The following PTGER4 variants were observed in gnomAD, a reference collection of about 807,000 sequenced individuals.
PTGER4 encodes the protein prostaglandin E receptor 4.
PTGER4 carries 11 observed loss-of-function variants against 33.2 expected under a neutral mutation model. The observed-to-expected ratio is 0.33, with a 90% confidence interval of 0.21 to 0.55. The LOEUF (loss-of-function observed/expected upper bound fraction) is 0.55, where lower values mean the gene tolerates loss of function less well. Among genes scored for constraint, PTGER4 ranks in the 20% least tolerant of loss-of-function variants. The probability of loss-of-function intolerance (pLI) is 0.92; values close to 1 mark genes in which losing one functional copy is unlikely to be tolerated. For synonymous variants in PTGER4, 275 were observed against 281.5 expected (o/e 0.98, Z 0.23); for missense variants, 481 against 650.2 (o/e 0.74, Z 2.83).
In PTGER4 at chr5:40,691,135, C is replaced by G. The variant is rs1741458507; in HGVS notation, c.868-644C>G. Among the ~76,000 whole-genome samples the G allele has an allele frequency of 6.6e-6, 1 of 152,222 alleles. No individual in the cohort carries two copies. The highest frequency in any genetic ancestry group is 1.5e-5 in the Non-Finnish European group (1 of 68,046). On this transcript the variant is annotated intron_variant, in intron 2 of 2. Transcript: ENST00000302472. The surrounding 1 kb of genome is among the most constrained non-coding windows in gnomAD (Gnocchi z 4.2). ...CGCCGCATTCAAGCCATTCTCCTGCCTCACCCTCCTGAGTAGCTGGGATTA... is the reference window on the plus strand; with the variant it reads ...CGCCGCATTCAAGCCATTCTCCTGCGTCACCCTCCTGAGTAGCTGGGATTA...
In PTGER4 at chr5:40,681,005, C is replaced by A; in HGVS notation, c.12C>A (p.Pro4=). ...CGCCAGCCACTATCATGTCCACTCC[C>A]GGGGTCAATTCGTCCGCCTCCTTGA... MST[P]GVNSSASLSP... The change falls in exon 2 of 3, where the codon CCC becomes CCA. Residue 4 remains proline, a synonymous_variant. Coordinates refer to ENST00000302472, the MANE Select transcript of PTGER4 (RefSeq NM_000958.3). The surrounding 1 kb of genome is among the most constrained non-coding windows in gnomAD (Gnocchi z 9.8). 6.2e-7 allele frequency: 1 copy of A among 1,611,704 alleles called. No individual in the cohort carries two copies.
chr5:40,710,660 A>T, the PTGER4 span, among the ~76,000 whole-genome samples: 59 of 152,350 alleles, frequency 3.9e-4, 1 homozygote, highest in African/African-American at 1.4e-3. Context: ...CACAATAGAA[A>T]AGACTTGCAA....
the PTGER4 span, among the ~76,000 whole-genome samples, chr5:40,718,635 G>C: frequency 6.6e-6 from 1 of 152,046 alleles, no homozygotes; most frequent in Admixed American, 6.5e-5. Flanking sequence ...CTACTCAGGG[G>C]GCTGAGGCAT....
the PTGER4 span, among the ~76,000 whole-genome samples, chr5:40,732,236 C>T: frequency 6.6e-5 from 10 of 151,900 alleles, no homozygotes; most frequent in Non-Finnish European, 1.5e-4. Flanking sequence ...AGGCTGGTCT[C>T]AAACTTCTGG....
At chr5:40,711,050 C>CAT in the PTGER4 span, among the ~76,000 whole-genome samples, 1 of 151,986 alleles carries the variant, frequency 6.6e-6, no homozygotes, top group African/African-American at 2.4e-5. Context: ...ACATTGTGCA[C>CAT]ATGTACCCTA....
the PTGER4 span, among the ~76,000 whole-genome samples, chr5:40,743,893 C>CA: frequency 2.0e-5 from 3 of 152,122 alleles, no homozygotes; most frequent in Non-Finnish European, 4.4e-5. Context: ...ATAAAGCATC[C>CA]AATCCCACTG....
chr5:40,744,993 A>G, the PTGER4 span, among the ~76,000 whole-genome samples: 1 of 152,342 alleles, frequency 6.6e-6, no homozygotes, highest in Admixed American at 6.5e-5. Context: ...CTCTACACCT[A>G]ACTTTCAGTT....
At chr5:40,742,002 A>G in the PTGER4 span, among the ~76,000 whole-genome samples, 1 of 152,136 alleles carries the variant, frequency 6.6e-6, no homozygotes. Flanking sequence ...AAAAAAGAAA[A>G]AAAAGAAATT....
the PTGER4 span, among the ~76,000 whole-genome samples, chr5:40,711,786 A>C: frequency 1.3e-5 from 2 of 152,140 alleles, no homozygotes; most frequent in Non-Finnish European, 2.9e-5. Flanking sequence ...TGTTAAGCAA[A>C]AAAAAAGTCA....
chr5:40,721,865 T>C, the PTGER4 span, among the ~76,000 whole-genome samples: 1 of 152,192 alleles, frequency 6.6e-6, no homozygotes, highest in East Asian at 1.9e-4. Context: ...AAAGGAAACC[T>C]ATGGAATGGG....
the PTGER4 span, among the ~76,000 whole-genome samples, chr5:40,718,612 C>T: frequency 6.6e-6 from 1 of 151,988 alleles, no homozygotes; most frequent in Admixed American, 6.6e-5. Flanking sequence ...TGGTGGCACC[C>T]TCCACGTGGT....
chr5:40,711,054 T>TAACAA, the PTGER4 span, among the ~76,000 whole-genome samples: 1 of 152,060 alleles, frequency 6.6e-6, no homozygotes, highest in African/African-American at 2.4e-5. Flanking sequence ...TGTGCACATG[T>TAACAA]ACCCTAGAAC....
the PTGER4 span, among the ~76,000 whole-genome samples, chr5:40,736,065 A>ATTATAT: frequency 1.3e-5 from 2 of 152,234 alleles, no homozygotes; most frequent in African/African-American, 4.8e-5. Context: ...TATAAAAATG[A>ATTATAT]GAGGACAATT....
chr5:40,713,567 A>G, the PTGER4 span, among the ~76,000 whole-genome samples: 1 of 152,142 alleles, frequency 6.6e-6, no homozygotes, highest in Non-Finnish European at 1.5e-5. Flanking sequence ...GTGTCTGTTA[A>G]TATATTTAAG....
chr5:40,693,512 G>A lies in PTGER4; in HGVS notation c.*1134G>A. 3 of 985,850 alleles carry A rather than the reference G, an allele frequency of 3.0e-6. No homozygotes were observed. Among genetic ancestry groups the A allele is most frequent in the Non-Finnish European group, 3.6e-6 (3 of 829,840 alleles). 61.1% of individuals were successfully genotyped at this position (985,850 alleles called of 1,614,324 possible). A position where few individuals can be genotyped will look rare whatever the true frequency, so the allele number is the denominator to read the frequency against. On this transcript the variant is annotated 3_prime_UTR_variant, in exon 3 of 3. Transcript: ENST00000302472. ...ATGTATGTCAGAAGTGCAGAATTGG[G>A]GCACTTAATGGTCACCTTGTAACAG...
At chr5:40,724,557 C>T in the PTGER4 span, among the ~76,000 whole-genome samples, 1 of 151,066 alleles carries the variant, frequency 6.6e-6, no homozygotes, top group East Asian at 2.0e-4. Context: ...GGCTTGAACC[C>T]GGGAGGTGGA....
the PTGER4 span, among the ~76,000 whole-genome samples, chr5:40,717,229 C>CAAAAA: frequency 2.8e-5 from 3 of 108,892 alleles, no homozygotes; most frequent in African/African-American, 7.0e-5. Flanking sequence ...AACTCCATCT[C>CAAAAA]AAAAAAAAAA....
the PTGER4 span, among the ~76,000 whole-genome samples, chr5:40,719,722 C>A: frequency 6.6e-6 from 1 of 152,146 alleles, no homozygotes; most frequent in Admixed American, 6.5e-5. Context: ...TATTGTCCAT[C>A]TTTTTTATGA....
intron 2 of PTGER4, among the ~76,000 whole-genome samples, chr5:40,686,452 A>G (rs1741324864): frequency 6.6e-6 from 1 of 152,230 alleles, no homozygotes; most frequent in Non-Finnish European, 1.5e-5. Flanking sequence ...GCTTCCACAT[A>G]TGGGTTGAAA....
Sources: gnomAD v4.1 joint callset for allele counts (sites outside exome capture counted in the v4.1 genomes callset) on GRCh38, gnomAD v4.1.1 for gene constraint, Gnocchi (gnomAD v3.1) non-coding constraint, MANE v1.5 for transcripts, NCBI Gene and HGNC (gene_info 2026-07-23, HGNC 2026-07-21) for gene names.